Variants in PEX5L observed in about 807,000 individuals in gnomAD.
The protein encoded by PEX5L is PEX5-related protein.
PEX5L carries 30 observed loss-of-function variants against 84.0 expected under a neutral mutation model. The ratio of observed to expected loss-of-function variants is 0.36; its 90% confidence interval spans 0.27 to 0.48. The LOEUF (loss-of-function observed/expected upper bound fraction) is 0.48, where lower values mean the gene tolerates loss of function less well. PEX5L is among the 20% of genes least tolerant of loss of function. The pLI is 0.99. For missense variants in PEX5L, 533 were observed against 754.6 expected, an observed-to-expected ratio of 0.71 and a Z score of 3.44; for synonymous variants, 270 against 283.1, an observed-to-expected ratio of 0.95 and a Z score of 0.46.
intron 5 of PEX5L, among the ~76,000 whole-genome samples, chr3:179,876,394 G>A (rs1313177334): frequency 6.6e-6 from 1 of 151,966 alleles, no homozygotes; most frequent in African/African-American, 2.4e-5. Context: ...CTACTTGGGA[G>A]GCTGAAGCAG....
At chr3:179,997,090 C>A (rs9822666) in intron 1 of PEX5L, among the ~76,000 whole-genome samples, 4,787 of 152,230 alleles carry the variant, frequency 0.031, 278 homozygotes, top group African/African-American at 0.11. Context: ...GGCTGGGTCC[C>A]CCTGAGGAAG....
intron 1 of PEX5L, among the ~76,000 whole-genome samples, chr3:179,986,155 T>C (rs1786790757): frequency 7.1e-6 from 1 of 140,620 alleles, no homozygotes; most frequent in Non-Finnish European, 1.5e-5. Flanking sequence ...AACAATCTCA[T>C]GTAATTTAAA....
chr3:179,805,608 TGGATATGGTG>T (rs1039717651), intron 14 of PEX5L, among the ~76,000 whole-genome samples: 95 of 152,322 alleles, frequency 6.2e-4, no homozygotes, highest in African/African-American at 2.2e-3. Flanking sequence ...GAGGAACCCA[TGGATATGGTG>T]GGCCAATTGT....
chr3:179,885,609 G>T (rs1755601235), intron 4 of PEX5L, among the ~76,000 whole-genome samples: 1 of 150,222 alleles, frequency 6.7e-6, no homozygotes, highest in Admixed American at 6.6e-5. Flanking sequence ...TCGTGCCACT[G>T]CACTCCAGCC....
At chr3:179,964,247 A>G (rs532430932) in intron 2 of PEX5L, among the ~76,000 whole-genome samples, 1 of 152,264 alleles carries the variant, frequency 6.6e-6, no homozygotes, top group Admixed American at 6.5e-5. Flanking sequence ...AAATGAGAAC[A>G]CGTGGTATTT....
chr3:179,846,783 C>T (rs1191885736), intron 8 of PEX5L, among the ~76,000 whole-genome samples: 1 of 152,138 alleles, frequency 6.6e-6, no homozygotes, highest in Non-Finnish European at 1.5e-5. Flanking sequence ...CTTGGTCTTA[C>T]ACCATCAGCT....
At chr3:179,802,875 T>TC (rs1272444574) in intron 14 of PEX5L, among the ~76,000 whole-genome samples, 3 of 151,866 alleles carry the variant, frequency 2.0e-5, no homozygotes, top group Admixed American at 6.6e-5. Flanking sequence ...TTTTTTTTTT[T>TC]CCAAGGATTA....
At chr3:179,813,702 C>T (rs1724838193) in intron 10 of PEX5L, among the ~76,000 whole-genome samples, 1 of 138,022 alleles carries the variant, frequency 7.2e-6, no homozygotes, top group Non-Finnish European at 1.5e-5. Flanking sequence ...CGGAGTCCCG[C>T]TGTTTAGCCC....
At chr3:179,820,817 G>A (rs1728236386) in intron 8 of PEX5L, among the ~76,000 whole-genome samples, 1 of 152,196 alleles carries the variant, frequency 6.6e-6, no homozygotes, top group East Asian at 1.9e-4. Context: ...GGTGGCCCAA[G>A]GGGCAGGAGG....
chr3:179,862,240 A>T (rs1746467489), intron 7 of PEX5L, among the ~76,000 whole-genome samples: 1 of 152,218 alleles, frequency 6.6e-6, no homozygotes, highest in South Asian at 2.1e-4. Context: ...GGGCCCACCC[A>T]AATAGTTCAG....
intron 8 of PEX5L, among the ~76,000 whole-genome samples, chr3:179,832,738 A>T (rs1408036722): frequency 2.0e-5 from 3 of 150,868 alleles, no homozygotes; most frequent in African/African-American, 7.4e-5. Flanking sequence ...CCACTTACCT[A>T]CCCACGTACC....
intron 1 of PEX5L, among the ~76,000 whole-genome samples, chr3:180,023,561 C>T (rs1790611633): frequency 6.6e-6 from 1 of 151,980 alleles, no homozygotes; most frequent in Admixed American, 6.6e-5. Context: ...TCGGCCCTGA[C>T]CAAGCACTCA....
intron 7 of PEX5L, among the ~76,000 whole-genome samples, chr3:179,872,337 G>C (rs1489499569): frequency 6.6e-6 from 1 of 152,082 alleles, no homozygotes; most frequent in Non-Finnish European, 1.5e-5. Context: ...AAAACTAGGA[G>C]ATTATGAATT....
intron 2 of PEX5L, among the ~76,000 whole-genome samples, chr3:179,932,546 G>C (rs181067900): frequency 6.6e-6 from 1 of 151,996 alleles, no homozygotes; most frequent in African/African-American, 2.4e-5. Flanking sequence ...CTGAGGAATG[G>C]GTACTAGGCA....
intron 10 of PEX5L, among the ~76,000 whole-genome samples, chr3:179,814,022 C>A (rs1320505761): frequency 3.3e-5 from 5 of 150,298 alleles, no homozygotes; most frequent in Non-Finnish European, 7.4e-5. Flanking sequence ...GGTTTCCCCA[C>A]GTTGGCCAAG....
intron 2 of PEX5L, chr3:179,898,476 T>C: frequency 5.3e-6 from 2 of 378,552 alleles, no homozygotes; most frequent in Non-Finnish European, 4.7e-6. Flanking sequence ...ATATTACATT[T>C]AATTTTAACA....
chr3:179,832,523 C>T (rs531749293), intron 8 of PEX5L, among the ~76,000 whole-genome samples: 6 of 151,182 alleles, frequency 4.0e-5, no homozygotes, highest in African/African-American at 1.5e-4. Context: ...TACCCACCTA[C>T]CCACCAACCT....
At chr3:179,824,205 G>A (rs1367957969) in intron 8 of PEX5L, among the ~76,000 whole-genome samples, 1 of 152,128 alleles carries the variant, frequency 6.6e-6, no homozygotes, top group Non-Finnish European at 1.5e-5. Flanking sequence ...TTTTGATTTT[G>A]TGGTCAAATG....
Position 179,798,645 on chromosome 3 carries a change from T to C in PEX5L, c.*3183A>G, listed in dbSNP as rs1380307092. On this transcript the variant is annotated 3_prime_UTR_variant, in exon 15 of 15. Transcript: ENST00000467460. ...AAGAATACCCTCTTCTAGGAGCTGT[T>C]AGGCTGTTATACATTAATACATGAA... is the stretch of plus-strand genomic sequence containing the variant. 1 of 152,192 alleles carries C rather than the reference T, an allele frequency of 6.6e-6. No homozygotes were observed. The highest frequency in any genetic ancestry group is 1.9e-4 in the East Asian group (1 of 5,200). The allele number at this position is 152,192 out of a possible 1,614,324, so 9.4% of individuals were successfully genotyped here.
Sources: gnomAD v4.1 joint callset for allele counts (sites outside exome capture counted in the v4.1 genomes callset) on GRCh38, gnomAD v4.1.1 for gene constraint, MANE v1.5 for transcripts, NCBI Gene and HGNC (gene_info 2026-07-23, HGNC 2026-07-21) for gene names.